The following PRELID2 variants were observed in gnomAD, a reference collection of about 807,000 sequenced individuals.
The protein encoded by PRELID2 is PRELI domain containing 2.
In PRELID2, 25 loss-of-function variants were observed where a neutral mutation model predicts 28.4. The observed-to-expected ratio is 0.88, with a 90% CI of 0.64 to 1.23. The LOEUF (loss-of-function observed/expected upper bound fraction) is 1.23. PRELID2 is among the 50% of genes most tolerant of loss of function. The pLI is 0.00. For missense variants in PRELID2, 201 were observed against 214.4 expected, an observed-to-expected ratio of 0.94 and a Z score of 0.39; for synonymous variants, 76 against 71.6, an observed-to-expected ratio of 1.06 and a Z score of -0.31.
the PRELID2 span, among the ~76,000 whole-genome samples, chr5:145,430,411 T>C: frequency 6.6e-6 from 1 of 152,154 alleles, no homozygotes; most frequent in Non-Finnish European, 1.5e-5. Context: ...GCTTCACACA[T>C]TCTCTCAGGC....
the PRELID2 span, among the ~76,000 whole-genome samples, chr5:145,426,541 G>A: frequency 6.6e-6 from 1 of 151,968 alleles, no homozygotes; most frequent in Non-Finnish European, 1.5e-5. Flanking sequence ...AATATAAAGG[G>A]GATATTCTAA....
intron 1 of PRELID2, among the ~76,000 whole-genome samples, chr5:145,737,006 G>C (rs977410741): frequency 1.2e-4 from 18 of 152,034 alleles, no homozygotes; most frequent in African/African-American, 4.1e-4. Flanking sequence ...TATTTAGAGG[G>C]TGGTGAAGAA....
intron 1 of PRELID2, among the ~76,000 whole-genome samples, chr5:145,588,324 C>A (rs1344258668): frequency 6.6e-6 from 1 of 152,148 alleles, no homozygotes; most frequent in Non-Finnish European, 1.5e-5. Flanking sequence ...TCCTCCTGAG[C>A]AGCACATCTC....
chr5:145,697,078 T>TATATATACATAC (rs1554084259), intron 1 of PRELID2, among the ~76,000 whole-genome samples: 1 of 98,922 alleles, frequency 1.0e-5, no homozygotes, highest in Non-Finnish European at 1.9e-5. Context: ...TATATATATA[T>TATATATACATAC]ATACACACAC....
chr5:145,740,583 A>C (rs1236459435), intron 1 of PRELID2, among the ~76,000 whole-genome samples: 2 of 2,166 alleles, frequency 9.2e-4, no homozygotes, highest in African/African-American at 1.3e-3. Context: ...TATATATATT[A>C]TATATATAAA....
intron 1 of PRELID2, among the ~76,000 whole-genome samples, chr5:145,660,847 GA>G (rs1214618800): frequency 6.6e-6 from 1 of 152,076 alleles, no homozygotes; most frequent in African/African-American, 2.4e-5. Context: ...ATAAAACTGG[GA>G]AAAAGCGGTA....
chr5:145,726,239 G>A (rs55745345), intron 1 of PRELID2, among the ~76,000 whole-genome samples: 28 of 95,642 alleles, frequency 2.9e-4, no homozygotes, highest in African/African-American at 8.6e-4. Flanking sequence ...GAAGGAAGGA[G>A]GGAGGGAGGG....
chr5:145,261,621 T>C, the PRELID2 span, among the ~76,000 whole-genome samples: 1 of 152,084 alleles, frequency 6.6e-6, no homozygotes, highest in East Asian at 1.9e-4. Flanking sequence ...TCTCAGGAAT[T>C]CCCGTCCTTA....
the PRELID2 span, among the ~76,000 whole-genome samples, chr5:145,313,831 G>A: frequency 6.6e-6 from 1 of 152,030 alleles, no homozygotes; most frequent in East Asian, 1.9e-4. Context: ...TCAGTAGCAA[G>A]GTGCAACAAA....
At position 145,778,253 on chromosome 5, in the gene PRELID2, A is replaced by G. The variant is rs557949153; in HGVS notation, c.475-13253T>C. Among the ~76,000 whole-genome samples the G allele has an allele frequency of 5.3e-5, 8 of 152,166 alleles. No homozygotes were observed. In the East Asian group the frequency reaches 1.4e-3, roughly 26 times the overall value. On this transcript the variant is annotated intron_variant, in intron 5 of 6. Coordinates refer to ENST00000683046, the MANE Select transcript of PRELID2 (RefSeq NM_205846.3). Reference sequence around the variant, plus strand: ...TGACAGCTCTAGAAATAGGATTATCAGCTGCAGAGGGGAGCAACCCACTCC... The same window carrying G: ...TGACAGCTCTAGAAATAGGATTATCGGCTGCAGAGGGGAGCAACCCACTCC...
chr5:145,359,736 C>A, the PRELID2 span, among the ~76,000 whole-genome samples: 1 of 152,136 alleles, frequency 6.6e-6, no homozygotes, highest in Non-Finnish European at 1.5e-5. Context: ...GAGGTTATTA[C>A]ATGAAATAGT....
intron 1 of PRELID2, among the ~76,000 whole-genome samples, chr5:145,607,357 TTTCTAACTTTTTGATGTGG>T (rs1378185643): frequency 6.6e-6 from 1 of 152,172 alleles, no homozygotes; most frequent in Non-Finnish European, 1.5e-5. Flanking sequence ...ATTTGAGATC[TTTCTAACTTTTTGATGTGG>T]GCTTTTAGTG....
intron 1 of PRELID2, among the ~76,000 whole-genome samples, chr5:145,723,036 C>A (rs1252973406): frequency 6.6e-6 from 1 of 152,016 alleles, no homozygotes; most frequent in East Asian, 1.9e-4. Context: ...TGTCAAAAAT[C>A]ATTGTATGAA....
rs1561643885 is a variant in PRELID2 at position 145,817,217 on chromosome 5, AAAAAT to A, written c.368+672_368+676del. On this transcript the variant is annotated intron_variant, in intron 4 of 6. Transcript: ENST00000683046. ...AAAAAAAATAAATAAATAAATAAAA[AAAAAT>A]ATATATATATATATACTTTAGATAA... Among the ~76,000 whole-genome samples the A allele has an allele frequency of 1.6e-3, 160 of 99,612 alleles. 8 individuals are homozygous for A. Among genetic ancestry groups the A allele is most frequent in the Non-Finnish European group, 2.3e-3 (98 of 42,292 alleles). The allele number at this position is 99,612 out of a possible 152,430, so 65.3% of individuals were successfully genotyped here.
intron 1 of PRELID2, among the ~76,000 whole-genome samples, chr5:145,615,616 G>A (rs76007077): frequency 0.017 from 1,988 of 116,862 alleles, 355 homozygotes; most frequent in African/African-American, 0.074. Flanking sequence ...GTGAGCCACC[G>A]CGCCCAGCCG....
At chr5:145,439,101 G>C in the PRELID2 span, among the ~76,000 whole-genome samples, 2 of 152,084 alleles carry the variant, frequency 1.3e-5, no homozygotes, top group Non-Finnish European at 2.9e-5. Context: ...CCCCACTTCT[G>C]CACTGCTGCT....
At chr5:145,447,355 T>C in the PRELID2 span, among the ~76,000 whole-genome samples, 5 of 152,030 alleles carry the variant, frequency 3.3e-5, no homozygotes, top group African/African-American at 1.2e-4. Context: ...TCTTCTCCGT[T>C]ACATGAAAGA....
At chr5:145,401,694 G>T in the PRELID2 span, among the ~76,000 whole-genome samples, 1 of 152,128 alleles carries the variant, frequency 6.6e-6, no homozygotes, top group Non-Finnish European at 1.5e-5. Context: ...TCAAATGATT[G>T]CTCAGACTAT....
intron 5 of PRELID2, among the ~76,000 whole-genome samples, chr5:145,779,570 C>T (rs1216153654): frequency 2.2e-5 from 1 of 46,270 alleles, no homozygotes; most frequent in Non-Finnish European, 6.1e-5. Context: ...TGAAATTGTA[C>T]TAACACTGTT....
Sources: gnomAD v4.1 joint callset for allele counts (sites outside exome capture counted in the v4.1 genomes callset) on GRCh38, gnomAD v4.1.1 for gene constraint, MANE v1.5 for transcripts, NCBI Gene and HGNC (gene_info 2026-07-23, HGNC 2026-07-21) for gene names.